SLC24A2: variants seen among roughly 807,000 people sequenced by gnomAD.
SLC24A2 encodes solute carrier family 24 member 2, also known as sodium/potassium/calcium exchanger 2.
SLC24A2 carries 36 observed loss-of-function variants against 62.0 expected under a neutral mutation model. The observed-to-expected ratio is 0.58, with a 90% confidence interval of 0.44 to 0.77. The LOEUF is 0.77. SLC24A2 is among the 30% of genes least tolerant of loss of function. The probability of loss-of-function intolerance (pLI) is 0.00; values close to 1 mark genes in which losing one functional copy is unlikely to be tolerated. For missense variants in SLC24A2, 846 were observed against 817.9 expected (o/e 1.03, Z -0.42); for synonymous variants, 358 against 294.0 (o/e 1.22, Z -2.23).
chr9:20,170,573 A>C, the SLC24A2 span, among the ~76,000 whole-genome samples: 1 of 151,960 alleles, frequency 6.6e-6, no homozygotes, highest in Non-Finnish European at 1.5e-5. Flanking sequence ...TAACCAAGGG[A>C]ACAGATGTGA....
the SLC24A2 span, among the ~76,000 whole-genome samples, chr9:20,174,044 G>A: frequency 9.2e-5 from 14 of 151,576 alleles, no homozygotes; most frequent in East Asian, 3.9e-4. Context: ...GAAATAAACC[G>A]AAATACTTAT....
chr9:19,921,104 C>A, the SLC24A2 span, among the ~76,000 whole-genome samples: 1 of 150,050 alleles, frequency 6.7e-6, no homozygotes, highest in Non-Finnish European at 1.5e-5. Flanking sequence ...CAAAGTAAAT[C>A]ATCAACCTGC....
the SLC24A2 span, among the ~76,000 whole-genome samples, chr9:19,829,848 G>T: frequency 0.7 from 99,843 of 141,738 alleles, 38,855 homozygotes; most frequent in Non-Finnish European, 0.88. Flanking sequence ...CACATATATA[G>T]AACTTTTTTA....
the SLC24A2 span, among the ~76,000 whole-genome samples, chr9:20,234,668 T>C: frequency 1.3e-5 from 2 of 152,204 alleles, no homozygotes; most frequent in Non-Finnish European, 2.9e-5. Flanking sequence ...TGCCATTGGT[T>C]TGAATTTCCT....
intron 2 of SLC24A2, among the ~76,000 whole-genome samples, chr9:19,745,976 G>T (rs188818309): frequency 3.9e-4 from 59 of 152,032 alleles, no homozygotes; most frequent in East Asian, 5.8e-4. Context: ...TTTTCTACTT[G>T]TAAGAGTCTA....
the SLC24A2 span, among the ~76,000 whole-genome samples, chr9:19,956,663 A>T: frequency 6.6e-6 from 1 of 152,192 alleles, no homozygotes. Flanking sequence ...ATCAGATCTC[A>T]TCAGACTTAT....
At chr9:19,826,131 C>T in the SLC24A2 span, among the ~76,000 whole-genome samples, 38 of 133,032 alleles carry the variant, frequency 2.9e-4, no homozygotes, top group Middle Eastern at 4.3e-3. Flanking sequence ...ATGATCATAA[C>T]GCAAAATATG....
chr9:19,927,853 T>C, the SLC24A2 span: 1 of 152,170 alleles, frequency 6.6e-6, no homozygotes, highest in African/African-American at 2.4e-5. Context: ...TGCACTAAGC[T>C]CAGTAAGGGA....
chr9:19,811,719 G>T, the SLC24A2 span, among the ~76,000 whole-genome samples: 1 of 151,944 alleles, frequency 6.6e-6, no homozygotes. Context: ...CCACTTTTCT[G>T]ATAACATTAA....
chr9:20,182,764 C>T, the SLC24A2 span, among the ~76,000 whole-genome samples: 4 of 151,874 alleles, frequency 2.6e-5, no homozygotes, highest in Non-Finnish European at 5.9e-5. Context: ...CACATGTACC[C>T]CAGAATTTAA....
Position 19,613,206 on chromosome 9 carries a change from T to C in SLC24A2, c.1078+6378A>G, listed in dbSNP as rs531553018. 6.6e-5 allele frequency among the ~76,000 whole-genome samples: 10 copies of C among 152,340 alleles called. No homozygotes were observed. The South Asian group carries it at 2.1e-3, about 32-fold the overall frequency. ...CAAGGTGGTAATTTTCACCCCTGAA[T>C]TTCTACTAGTCATTTGCCTTGTGGT... On this transcript the variant is annotated intron_variant, in intron 4 of 10. Transcript: ENST00000341998.
the SLC24A2 span, among the ~76,000 whole-genome samples, chr9:20,105,244 T>A: frequency 6.6e-6 from 1 of 152,108 alleles, no homozygotes; most frequent in Non-Finnish European, 1.5e-5. Context: ...CACACAATAA[T>A]AATGGGAGAC....
rs964870146 is a variant in SLC24A2 at position 19,549,496 on chromosome 9, A to G, written c.1479+641T>C. ...GACCATGCAGTTTCTGCCTTCTGTCACTGCAACATTCACTCTTGGAGTCCT... is the reference window on the plus strand; with the variant it reads ...GACCATGCAGTTTCTGCCTTCTGTCGCTGCAACATTCACTCTTGGAGTCCT... On this transcript the variant is annotated intron_variant, in intron 8 of 10. Transcript: ENST00000341998. 6.0e-4 allele frequency among the ~76,000 whole-genome samples: 92 copies of G among 152,192 alleles called. 1 individual carries two copies. The highest frequency in any genetic ancestry group is 2.2e-3 in the African/African-American group (90 of 41,450).
chr9:19,697,561 C>T lies in SLC24A2; in HGVS notation c.931-75262G>A, dbSNP rs182326242. 1.1e-3 allele frequency among the ~76,000 whole-genome samples: 160 copies of T among 152,090 alleles called. 1 individual carries two copies. The highest frequency in any genetic ancestry group is 3.7e-3 in the African/African-American group (155 of 41,508). ...TTTTTAATTGCATAAATAAGTGATACAAAAAAAGTTCTGAGTGAGTTCTAT... is the reference window on the plus strand; with the variant it reads ...TTTTTAATTGCATAAATAAGTGATATAAAAAAAGTTCTGAGTGAGTTCTAT... On this transcript the variant is annotated intron_variant, in intron 2 of 10. Transcript: ENST00000341998.
chr9:20,235,683 T>C, the SLC24A2 span, among the ~76,000 whole-genome samples: 2 of 152,172 alleles, frequency 1.3e-5, no homozygotes, highest in African/African-American at 4.8e-5. Flanking sequence ...GCTTCCCGGG[T>C]GAGGCAATGC....
intron 4 of SLC24A2, among the ~76,000 whole-genome samples, chr9:19,597,745 A>G (rs150205424): frequency 1.3e-5 from 2 of 152,360 alleles, no homozygotes; most frequent in East Asian, 3.9e-4. Context: ...ACCATTTCCT[A>G]GAGAAAAAGG....
intron 2 of SLC24A2, among the ~76,000 whole-genome samples, chr9:19,729,366 G>A (rs1463688261): frequency 6.6e-6 from 1 of 152,040 alleles, no homozygotes; most frequent in African/African-American, 2.4e-5. Flanking sequence ...TCCCACTATT[G>A]GGCATTTATC....
At chr9:19,902,013 G>A in the SLC24A2 span, among the ~76,000 whole-genome samples, 24,251 of 152,198 alleles carry the variant, frequency 0.16, 2,520 homozygotes, top group South Asian at 0.25. Context: ...AGAAGTTAGA[G>A]CATAGTTCAT....
intron 2 of SLC24A2, among the ~76,000 whole-genome samples, chr9:19,650,482 G>A (rs1246515809): frequency 4.6e-5 from 7 of 152,194 alleles, no homozygotes; most frequent in Non-Finnish European, 1.0e-4. Context: ...TGCTTAGCCT[G>A]CAGTTGTGAA....
Sources: gnomAD v4.1 joint callset for allele counts (sites outside exome capture counted in the v4.1 genomes callset) on GRCh38, gnomAD v4.1.1 for gene constraint, MANE v1.5 for transcripts, NCBI Gene and HGNC (gene_info 2026-07-23, HGNC 2026-07-21) for gene names.